The following CFAP20 variants were observed in gnomAD, a reference collection of about 807,000 sequenced individuals.
The protein encoded by CFAP20 is cilia- and flagella-associated protein 20.
In CFAP20, 14 loss-of-function variants were observed where a neutral mutation model predicts 25.5. The ratio of observed to expected loss-of-function variants is 0.55; its 90% confidence interval spans 0.36 to 0.86. The LOEUF (loss-of-function observed/expected upper bound fraction) is 0.86. Ranked by LOEUF, CFAP20 falls within the 40% of genes least tolerant of loss-of-function variation. The pLI is 0.01. For synonymous variants in CFAP20, 75 were observed against 91.1 expected (o/e 0.82, Z 1.01); for missense variants, 181 against 248.0 (o/e 0.73, Z 1.81).
At chr16:58,123,275 C>T (rs1057472371) in intron 1 of CFAP20, among the ~76,000 whole-genome samples, 6 of 145,554 alleles carry the variant, frequency 4.1e-5, no homozygotes, top group Admixed American at 4.0e-4. Flanking sequence ...GCGTGAGCCA[C>T]TGCGCCCAGC....
chr16:58,123,595 CAAAAAAAAAAAAAAAAAAAAAA>C (rs574037205), intron 1 of CFAP20, among the ~76,000 whole-genome samples: 5 of 45,720 alleles, frequency 1.1e-4, no homozygotes, highest in South Asian at 9.4e-4. Flanking sequence ...GACTCTGTCT[CAAAAAAAAAAAAAAAAAAAAAA>C]AAAAAAAAAA....
At position 58,129,004 on chromosome 16, in the gene CFAP20, CCCGCCCCGTCG is replaced by C. The variant is rs1479673767; in HGVS notation, c.84+17_84+27del. ...CGAGGAGGGGGTGCAGCCCCTCCAC[CCCGCCCCGTCG>C]CCGCCCCTAGCCCGACCTTTTTGTC... is the stretch of plus-strand genomic sequence containing the variant. On this transcript the variant is annotated intron_variant, in intron 1 of 5. Transcript: ENST00000262498. 4 of 1,608,464 alleles carry C rather than the reference CCCGCCCCGTCG, an allele frequency of 2.5e-6. No individual in the cohort carries two copies. Among genetic ancestry groups the C allele is most frequent in the Admixed American group, 3.3e-5 (2 of 59,848 alleles).
chr16:58,115,200 C>T (rs1960440700), intron 4 of CFAP20, 69 bp downstream of exon 4: 3 of 1,590,098 alleles, frequency 1.9e-6, no homozygotes, highest in Admixed American at 1.7e-5. Context: ...CTATGTGGGC[C>T]ACAAGCCAAT....
At chr16:58,127,695 C>A (rs1404605621) in intron 1 of CFAP20, among the ~76,000 whole-genome samples, 2 of 152,246 alleles carry the variant, frequency 1.3e-5, no homozygotes, top group Non-Finnish European at 2.9e-5. Context: ...TGGATAGAAT[C>A]ATCTGAAAGA....
At chr16:58,114,062 T>A (rs528581008) in intron 5 of CFAP20, 32 bp from the exon 6 acceptor site, 68 of 1,611,510 alleles carry the variant, frequency 4.2e-5, no homozygotes, top group Non-Finnish European at 5.7e-5. Flanking sequence ...GTGGCATCAG[T>A]TTAAGTTACT....
intron 1 of CFAP20, among the ~76,000 whole-genome samples, chr16:58,118,445 T>C (rs1960487081): frequency 6.7e-6 from 1 of 149,898 alleles, no homozygotes; most frequent in Non-Finnish European, 1.5e-5. Context: ...TTTGTGCCAC[T>C]GCACTCCAGC....
chr16:58,127,545 C>T (rs1297949895), intron 1 of CFAP20, among the ~76,000 whole-genome samples: 1 of 152,244 alleles, frequency 6.6e-6, no homozygotes, highest in African/African-American at 2.4e-5. Context: ...CCCAGGCACC[C>T]TGGGCTCTCT....
At chr16:58,122,302 C>T (rs183836643) in intron 1 of CFAP20, among the ~76,000 whole-genome samples, 118 of 152,336 alleles carry the variant, frequency 7.7e-4, no homozygotes, top group Admixed American at 2.0e-3. Context: ...TGTCTTCGGA[C>T]GGGCGCGGTG....
intron 2 of CFAP20, 31 bp downstream of exon 2, chr16:58,116,841 T>G: frequency 6.3e-7 from 1 of 1,586,728 alleles, no homozygotes; most frequent in Non-Finnish European, 8.7e-7. Flanking sequence ...TAGTATATGA[T>G]GTCTCTGGGA....
Position 58,113,967 on chromosome 16 carries a change from T to C in CFAP20, c.*58A>G. ...TGTTTTTGCATCGTCCTCCACATAGTTTCCTTTTAAAAAGAAGAGTCACAT... is the reference window on the plus strand; with the variant it reads ...TGTTTTTGCATCGTCCTCCACATAGCTTCCTTTTAAAAAGAAGAGTCACAT... On this transcript the variant is annotated 3_prime_UTR_variant, in exon 6 of 6. Transcript: ENST00000262498. The C allele has an allele frequency of 1.3e-6, 2 of 1,567,120 alleles. No individual in the cohort carries two copies. Among genetic ancestry groups the C allele is most frequent in the Non-Finnish European group, 1.8e-6 (2 of 1,137,496 alleles).
chr16:58,114,080 A>G (rs371099110), intron 5 of CFAP20, 50 bp from the exon 6 acceptor site: 13 of 1,597,502 alleles, frequency 8.1e-6, no homozygotes, highest in East Asian at 2.2e-5. Flanking sequence ...ACTAGAAAAT[A>G]GATGGTCAGT....
intron 1 of CFAP20, among the ~76,000 whole-genome samples, chr16:58,119,983 C>T (rs1960512410): frequency 6.6e-6 from 1 of 150,530 alleles, no homozygotes; most frequent in Non-Finnish European, 1.5e-5. Context: ...CCTAAGTGCC[C>T]ACCTCACTCG....
rs1960591552 is a variant in CFAP20 at position 58,124,914 on chromosome 16, A to G, written c.84+4118T>C. Among the ~76,000 whole-genome samples the G allele has an allele frequency of 5.9e-5, 9 of 152,320 alleles. No homozygotes were observed. The South Asian group carries it at 1.9e-3, about 32-fold the overall frequency. On this transcript the variant is annotated intron_variant, in intron 1 of 5. Coordinates refer to ENST00000262498, the MANE Select transcript of CFAP20 (RefSeq NM_013242.3). Reference sequence around the variant, plus strand: ...GGCATGAGCCACTGTGCCTGGCCAGACTACACTAAATTTATTAAAAATATT... The same window carrying G: ...GGCATGAGCCACTGTGCCTGGCCAGGCTACACTAAATTTATTAAAAATATT...
chr16:58,118,442 C>T (rs945322618), intron 1 of CFAP20, among the ~76,000 whole-genome samples: 8 of 150,784 alleles, frequency 5.3e-5, no homozygotes, highest in African/African-American at 1.5e-4. Flanking sequence ...GTGTTTGTGC[C>T]ACTGCACTCC....
intron 3 of CFAP20, 165 bp from the exon 4 acceptor site, chr16:58,115,622 G>T: frequency 1.3e-6 from 1 of 747,274 alleles, no homozygotes; most frequent in Non-Finnish European, 2.2e-6. Flanking sequence ...CAGATGGCCC[G>T]GAAGTAGCAA....
rs1189130613 is a variant in CFAP20 at position 58,116,866 on chromosome 16, A to G, written c.164+6T>C. 2 of 1,613,304 alleles carry G rather than the reference A, an allele frequency of 1.2e-6. No homozygotes were observed. Among genetic ancestry groups the G allele is most frequent in the Non-Finnish European group, 1.7e-6 (2 of 1,179,264 alleles). ...TGTCTCTGGGAGAACAGAGGTGGCA[A>G]CCTACCTTACATTTGTCCCTTCAAT... is the stretch of plus-strand genomic sequence containing the variant. On this transcript the variant is annotated splice_donor_region_variant and intron_variant, in intron 2 of 5. Transcript: ENST00000262498.
intron 1 of CFAP20, among the ~76,000 whole-genome samples, chr16:58,127,681 C>A (rs924108104): frequency 6.6e-5 from 10 of 152,222 alleles, no homozygotes; most frequent in African/African-American, 2.2e-4. Flanking sequence ...CTAGCTCTAG[C>A]TTGTGGATAG....
At position 58,129,357 on chromosome 16, in the gene CFAP20, G is replaced by C. The variant is rs1224446728; in HGVS notation, c.-242C>G. 2 of 490,744 alleles carry C rather than the reference G, an allele frequency of 4.1e-6. No homozygotes were observed. Among genetic ancestry groups the C allele is most frequent in the Admixed American group, 3.5e-5 (1 of 28,454 alleles). 30.4% of individuals were successfully genotyped at this position (490,744 alleles called of 1,614,324 possible). A position where few individuals can be genotyped will look rare whatever the true frequency, so the allele number is the denominator to read the frequency against. On this transcript the variant is annotated 5_prime_UTR_variant, in exon 1 of 6. Transcript: ENST00000262498. Reference sequence around the variant, plus strand: ...GGAAACCACAGCAACTACCGTCCGCGCCGCGGTATTTCCCCGCCTTCAATG... The same window carrying C: ...GGAAACCACAGCAACTACCGTCCGCCCCGCGGTATTTCCCCGCCTTCAATG...
intron 5 of CFAP20, 123 bp downstream of exon 5, chr16:58,114,687 A>T (rs1960433143): frequency 1.4e-6 from 1 of 704,548 alleles, no homozygotes; most frequent in African/African-American, 1.8e-5. Flanking sequence ...CTTGCGATAT[A>T]AAGGCACCCC....
Sources: gnomAD v4.1 joint callset for allele counts (sites outside exome capture counted in the v4.1 genomes callset) on GRCh38, gnomAD v4.1.1 for gene constraint, MANE v1.5 for transcripts, NCBI Gene and HGNC (gene_info 2026-07-23, HGNC 2026-07-21) for gene names.